HS6ST2: variants seen among roughly 807,000 people sequenced by gnomAD.
HS6ST2 encodes the protein heparan sulfate 6-O-sulfotransferase 2.
HS6ST2 carries 17 observed loss-of-function variants against 33.0 expected under a neutral mutation model. That is an observed-to-expected ratio of 0.52 (90% confidence interval 0.35 to 0.77). The LOEUF (loss-of-function observed/expected upper bound fraction) is 0.77. Among genes scored for constraint, HS6ST2 ranks in the 30% least tolerant of loss-of-function variants. The pLI is 0.01. For missense variants in HS6ST2, 519 were observed against 551.7 expected, an observed-to-expected ratio of 0.94 and a Z score of 0.59; for synonymous variants, 248 against 237.1, an observed-to-expected ratio of 1.05 and a Z score of -0.42.
chrX:132,725,867 G>C (rs1207744061), intron 2 of HS6ST2, among the ~76,000 whole-genome samples: 2 of 111,413 alleles, frequency 1.8e-5, no homozygotes, highest in Non-Finnish European at 3.8e-5. Context: ...GCAACAAATG[G>C]GTGGAACTGG....
intron 2 of HS6ST2, among the ~76,000 whole-genome samples, chrX:132,864,169 T>C (rs1049276856): frequency 3.7e-5 from 4 of 108,349 alleles, no homozygotes; most frequent in African/African-American, 1.4e-4. Flanking sequence ...CGGCTGAAAA[T>C]TCCAAAAACC....
intron 2 of HS6ST2, among the ~76,000 whole-genome samples, chrX:132,952,044 T>C (rs1431714152): frequency 8.9e-6 from 1 of 112,092 alleles, no homozygotes; most frequent in African/African-American, 3.2e-5. Flanking sequence ...GCTATTCTTT[T>C]AATGTCATTA....
chrX:132,789,354 C>T (rs1367526489), intron 2 of HS6ST2, among the ~76,000 whole-genome samples: 1 of 110,891 alleles, frequency 9.0e-6, no homozygotes, highest in African/African-American at 3.3e-5. Context: ...CTGTTTATAG[C>T]ATGATTTAGT....
chrX:132,763,963 A>G (rs1180970116), intron 2 of HS6ST2, among the ~76,000 whole-genome samples: 1 of 112,763 alleles, frequency 8.9e-6, no homozygotes, highest in Admixed American at 9.4e-5. Context: ...TGCAAGAACA[A>G]ATGTCACTTG....
At position 132,628,923 on chromosome X, in the gene HS6ST2, C is replaced by G; in HGVS notation, c.1238G>C (p.Cys413Ser). ...SCYTGDDWSG[C>S]PLKEFMDCPY... ...ACAGTCCATAAACTCTTTGAGGGGG[C>G]AGCCAGACCAGTCATCGCCAGTGTA... The change falls in exon 5 of 5, where the codon TGC becomes TCC. Residue 413 changes from cysteine (C) to serine (S), a missense_variant. Physicochemically the swap from Cys to Ser is moderately radical, Grantham distance 112. Transcript: ENST00000370833. The G allele has an allele frequency of 8.3e-7, 1 of 1,211,447 alleles. No homozygotes were observed. The highest frequency in any genetic ancestry group is 1.1e-6 in the Non-Finnish European group (1 of 895,331).
chrX:132,631,285 A>C lies in HS6ST2; in HGVS notation c.1068-2192T>G, dbSNP rs140204673. On this transcript the variant is annotated intron_variant, in intron 4 of 4. Coordinates refer to ENST00000370833, the MANE Select transcript of HS6ST2 (RefSeq NM_001394073.1). ...AATAAATCACTTTATATATTTTTTCAGGAAGAAACAAGCATTGGGCACAGG... is the reference window on the plus strand; with the variant it reads ...AATAAATCACTTTATATATTTTTTCCGGAAGAAACAAGCATTGGGCACAGG... Among the ~76,000 whole-genome samples, 619 of 112,173 alleles carry C rather than the reference A, an allele frequency of 5.5e-3. 2 individuals are homozygous for C. The highest frequency in any genetic ancestry group is 6.6e-3 in the Non-Finnish European group (349 of 53,224).
chrX:132,927,587 A>G (rs1219581823), intron 2 of HS6ST2, among the ~76,000 whole-genome samples: 1 of 111,659 alleles, frequency 9.0e-6, no homozygotes, highest in African/African-American at 3.3e-5. Context: ...GTTTCCCCCA[A>G]TCCTTGACTG....
In HS6ST2 at chrX:132,957,246, TGGA is replaced by T. The variant is rs2067089839; in HGVS notation, c.506_508del (p.Leu169del). On this transcript the variant is annotated inframe_deletion, in exon 2 of 5. Coordinates refer to ENST00000370833, the MANE Select transcript of HS6ST2 (RefSeq NM_001394073.1). ...GCATTCTGTGCCGGGGCACACGTAT[TGGA>T]GGACGATCACGGCAAATAGGAAGAG... 1 of 1,197,317 alleles carries T rather than the reference TGGA, an allele frequency of 8.4e-7. No individual in the cohort carries two copies. The highest frequency in any genetic ancestry group is 2.2e-5 in the Admixed American group (1 of 44,654).
At chrX:132,645,942 T>C (rs2063637842) in intron 4 of HS6ST2, among the ~76,000 whole-genome samples, 1 of 111,941 alleles carries the variant, frequency 8.9e-6, no homozygotes, top group Non-Finnish European at 1.9e-5. Context: ...GACTGAGAAA[T>C]AGACAGTTCC....
At chrX:132,934,501 T>C (rs1373497324) in intron 2 of HS6ST2, among the ~76,000 whole-genome samples, 1 of 112,153 alleles carries the variant, frequency 8.9e-6, no homozygotes, top group Non-Finnish European at 1.9e-5. Flanking sequence ...GAAACAGAGC[T>C]ATCTAGGAAA....
rs1569491289 is a variant in HS6ST2 at position 132,790,730 on chromosome X, A to AT, written c.948-82237dup. Among the ~76,000 whole-genome samples, 3 of 112,352 alleles carry AT rather than the reference A, an allele frequency of 2.7e-5. No individual in the cohort carries two copies. The East Asian group carries it at 8.4e-4, about 31-fold the overall frequency. On this transcript the variant is annotated intron_variant, in intron 2 of 4. Coordinates refer to ENST00000370833, the MANE Select transcript of HS6ST2 (RefSeq NM_001394073.1). ...AAAAATGAATTCAGAAAATAGATAC[A>AT]TACGTATCTCTAAAAGTAGCACTGT...
chrX:132,653,993 T>C (rs1397233749), intron 4 of HS6ST2, among the ~76,000 whole-genome samples: 1 of 111,293 alleles, frequency 9.0e-6, no homozygotes, highest in African/African-American at 3.3e-5. Context: ...GGGGTGGTGA[T>C]GGTTAAAGGG....
rs770645617 is a variant in HS6ST2, at chrX:132,817,131, A to C, written c.948-108637T>G. 3.6e-5 allele frequency among the ~76,000 whole-genome samples: 4 copies of C among 111,178 alleles called. No individual in the cohort carries two copies. In the East Asian group the frequency reaches 1.1e-3, roughly 31 times the overall value. Reference sequence around the variant, plus strand: ...AAGAATGCCCCATCCTAGAGACTCAACTACAGTCAACTTGCATTGAGGTGG... The same window carrying C: ...AAGAATGCCCCATCCTAGAGACTCACCTACAGTCAACTTGCATTGAGGTGG... On this transcript the variant is annotated intron_variant, in intron 2 of 4. Coordinates refer to ENST00000370833, the MANE Select transcript of HS6ST2 (RefSeq NM_001394073.1).
chrX:132,667,549 G>T (rs759217146), intron 4 of HS6ST2: 1 of 112,204 alleles, frequency 8.9e-6, no homozygotes, highest in Non-Finnish European at 1.9e-5. Context: ...TCTACCAATT[G>T]CTCCTTTTGT....
intron 2 of HS6ST2, among the ~76,000 whole-genome samples, chrX:132,812,405 AAATAATAATAATAATAAT>A (rs55880539): frequency 7.1e-5 from 6 of 84,944 alleles, no homozygotes; most frequent in Non-Finnish European, 1.1e-4. Context: ...ACTCTGTCTC[AAATAATAATAATAATAAT>A]AATAATAATA....
intron 2 of HS6ST2, among the ~76,000 whole-genome samples, chrX:132,942,121 T>A (rs1426087210): frequency 2.7e-5 from 3 of 111,727 alleles, no homozygotes; most frequent in African/African-American, 9.8e-5. Context: ...TGGCCTATTA[T>A]ACTCTTAGAA....
At chrX:132,882,330 A>C (rs2066185999) in intron 2 of HS6ST2, among the ~76,000 whole-genome samples, 1 of 110,261 alleles carries the variant, frequency 9.1e-6, no homozygotes, top group Non-Finnish European at 1.9e-5. Flanking sequence ...CTCCTTGAAG[A>C]GGTCCTTCAC....
intron 2 of HS6ST2, among the ~76,000 whole-genome samples, chrX:132,926,079 T>C (rs1206878284): frequency 1.8e-5 from 2 of 112,622 alleles, no homozygotes; most frequent in African/African-American, 6.5e-5. Flanking sequence ...TCTTCATTAG[T>C]AATTTGACTG....
intron 2 of HS6ST2, among the ~76,000 whole-genome samples, chrX:132,830,790 G>T (rs2065581668): frequency 3.6e-5 from 4 of 111,693 alleles, no homozygotes; most frequent in African/African-American, 9.8e-5. Flanking sequence ...CAAGATTGAA[G>T]ACTTGGGCTC....
Sources: allele counts gnomAD v4.1 joint callset (sites outside exome capture counted in the v4.1 genomes callset), GRCh38; gene constraint gnomAD v4.1.1; transcripts MANE v1.5; gene names NCBI Gene and HGNC (gene_info 2026-07-23, HGNC 2026-07-21).